SHTN1: variants seen among roughly 807,000 people sequenced by gnomAD.
The protein encoded by SHTN1 is shootin-1.
A neutral mutation model predicts 83.1 loss-of-function variants in SHTN1; 42 were observed. The observed-to-expected ratio is 0.51, with a 90% CI of 0.39 to 0.65. The LOEUF (loss-of-function observed/expected upper bound fraction) is 0.65, where lower values mean the gene tolerates loss of function less well. Ranked by LOEUF, SHTN1 falls within the 30% of genes least tolerant of loss-of-function variation. SHTN1 has a pLI of 0.00. For synonymous variants in SHTN1, 224 were observed against 247.7 expected (o/e 0.90, Z 0.90); for missense variants, 622 against 737.8 (o/e 0.84, Z 1.82).
chr10:116,930,026 G>C (rs372693417), intron 9 of SHTN1, 24 bp from the exon 10 acceptor site: 1 of 1,423,862 alleles, frequency 7.0e-7, no homozygotes, highest in African/African-American at 1.5e-5. Context: ...AAAAAAAAAA[G>C]ACTTTTATGG....
chr10:117,036,502 G>A (rs144606857), intron 2 of SHTN1, among the ~76,000 whole-genome samples: 291 of 152,230 alleles, frequency 1.9e-3, no homozygotes, highest in Non-Finnish European at 3.5e-3. Flanking sequence ...TGATGGAACT[G>A]GAACTCATGT....
intron 12 of SHTN1, among the ~76,000 whole-genome samples, chr10:116,920,961 G>A (rs1395504813): frequency 6.6e-6 from 1 of 152,100 alleles, no homozygotes; most frequent in Non-Finnish European, 1.5e-5. Context: ...CTAGCACTGT[G>A]TACTCCTCTT....
intron 1 of SHTN1, among the ~76,000 whole-genome samples, chr10:117,119,606 G>A (rs1044149878): frequency 6.6e-6 from 1 of 152,166 alleles, no homozygotes; most frequent in Non-Finnish European, 1.5e-5. Flanking sequence ...ATGTAAATTA[G>A]TACAACCATT....
intron 2 of SHTN1, among the ~76,000 whole-genome samples, chr10:116,969,836 GAT>G (rs1369540923): frequency 6.6e-6 from 1 of 151,976 alleles, no homozygotes; most frequent in Non-Finnish European, 1.5e-5. Context: ...ATAAAACAGG[GAT>G]ATATAACAAG....
chr10:117,002,796 C>G (rs1851869096), intron 1 of SHTN1, among the ~76,000 whole-genome samples: 1 of 152,174 alleles, frequency 6.6e-6, no homozygotes. Context: ...ACCTTTGTAA[C>G]TAGACTCACT....
Position 116,984,028 on chromosome 10 carries a change from A to G in SHTN1, c.59-4720T>C, listed in dbSNP as rs1851140007. Among the ~76,000 whole-genome samples the G allele has an allele frequency of 3.3e-5, 5 of 152,312 alleles. No homozygotes were observed. The South Asian group carries it at 6.2e-4, about 19-fold the overall frequency. Reference sequence around the variant, plus strand: ...TAGTTGTTTCAGAAATGTGACAACTAAAGTTCGTAACTACAAGCCAGTAAC... The same window carrying G: ...TAGTTGTTTCAGAAATGTGACAACTGAAGTTCGTAACTACAAGCCAGTAAC... On this transcript the variant is annotated intron_variant, in intron 1 of 16. Coordinates refer to ENST00000355371, the MANE Select transcript of SHTN1 (RefSeq NM_001127211.3).
In SHTN1 at chr10:116,930,015, TAAA is replaced by T; in HGVS notation, c.859-16_859-14del. 1 of 1,380,728 alleles carries T rather than the reference TAAA, an allele frequency of 7.2e-7. No homozygotes were observed. The highest frequency in any genetic ancestry group is 9.7e-7 in the Non-Finnish European group (1 of 1,031,750). 85.5% of individuals were successfully genotyped at this position (1,380,728 alleles called of 1,614,324 possible). ...CTAATTCTTTGACCTATAAGTTATT[TAAA>T]AAAAAAAGACTTTTATGGCTGACAG... On this transcript the variant is annotated splice_polypyrimidine_tract_variant and intron_variant, in intron 9 of 16. Coordinates refer to ENST00000355371, the MANE Select transcript of SHTN1 (RefSeq NM_001127211.3).
intron 2 of SHTN1, among the ~76,000 whole-genome samples, chr10:117,026,059 C>T (rs1852328505): frequency 6.6e-6 from 1 of 152,174 alleles, no homozygotes; most frequent in Non-Finnish European, 1.5e-5. Context: ...GGGACTGTGT[C>T]TTGCACCTTA....
chr10:116,881,641 C>T lies in SHTN1; in HGVS notation c.*4703G>A, dbSNP rs1334984119. ...TTCCCCACACAAGGTGTAGAGGAAT[C>T]AGCCGAAACAGGAGCATCCTCTGGA... On this transcript the variant is annotated 3_prime_UTR_variant, in exon 17 of 17. Coordinates refer to ENST00000355371, the MANE Select transcript of SHTN1 (RefSeq NM_001127211.3). 1.3e-6 allele frequency: 2 copies of T among 1,547,424 alleles called. No homozygotes were observed. The highest frequency in any genetic ancestry group is 1.7e-6 in the Non-Finnish European group (2 of 1,145,596).
chr10:116,951,224 G>GT (rs1361987770), intron 6 of SHTN1, among the ~76,000 whole-genome samples: 1 of 152,118 alleles, frequency 6.6e-6, no homozygotes, highest in Non-Finnish European at 1.5e-5. Context: ...GGAGTTCAAG[G>GT]TAAGCCTGGG....
chr10:116,934,383 T>C (rs994630634), intron 9 of SHTN1, among the ~76,000 whole-genome samples: 4 of 152,234 alleles, frequency 2.6e-5, no homozygotes, highest in African/African-American at 9.6e-5. Context: ...GTTTTCTGCA[T>C]ATGGCTAGCC....
intron 1 of SHTN1, among the ~76,000 whole-genome samples, chr10:117,113,076 G>T (rs889141350): frequency 6.6e-6 from 1 of 152,160 alleles, no homozygotes; most frequent in Non-Finnish European, 1.5e-5. Flanking sequence ...TCACGATTAG[G>T]TCTGAAACTG....
intron 1 of SHTN1, among the ~76,000 whole-genome samples, chr10:117,092,655 A>G (rs1326383957): frequency 6.6e-6 from 1 of 152,216 alleles, no homozygotes; most frequent in Admixed American, 6.5e-5. Flanking sequence ...TCACTGAGAG[A>G]AAAGCTGCAT....
At chr10:117,006,874 GTCTT>G (rs1022230610), upstream of SHTN1, among the ~76,000 whole-genome samples, 2 of 151,464 alleles carry the variant, frequency 1.3e-5, no homozygotes, top group African/African-American at 4.9e-5. Context: ...TGTAACTAGT[GTCTT>G]TCTGATACTC....
chr10:116,977,058 G>C (rs1850832135), intron 2 of SHTN1, among the ~76,000 whole-genome samples: 1 of 152,090 alleles, frequency 6.6e-6, no homozygotes. Flanking sequence ...AATTCCACTT[G>C]CATAACGGAT....
chr10:116,913,547 T>C (rs1053310016), intron 13 of SHTN1, among the ~76,000 whole-genome samples: 2 of 152,248 alleles, frequency 1.3e-5, no homozygotes, highest in Non-Finnish European at 2.9e-5. Context: ...CGAAAGTACG[T>C]ATGGAACATT....
rs371350473 is a variant in SHTN1, at chr10:116,960,159, T to C, written c.244A>G (p.Ser82Gly). Residue 82 changes from serine to glycine, a missense_variant, in exon 4 of 17, where the codon AGT (serine) becomes GGT (glycine). Coordinates refer to ENST00000355371, the MANE Select transcript of SHTN1 (RefSeq NM_001127211.3). ...ACCTTTGTTGCCAAAGCTTCAGCACTTTCTCGACAAGTCTTCTCTATTTCA... is the reference window on the plus strand; with the variant it reads ...ACCTTTGTTGCCAAAGCTTCAGCACCTTCTCGACAAGTCTTCTCTATTTCA... Reference protein sequence around the residue: ...HLEIEKTCRESAEALATKLNK... With the variant: ...HLEIEKTCREGAEALATKLNK... The C allele has an allele frequency of 1.2e-6, 2 of 1,609,384 alleles. No homozygotes were observed. The highest frequency in any genetic ancestry group is 2.7e-5 in the African/African-American group (2 of 74,856).
At chr10:117,076,494 A>G (rs1284286518) in intron 1 of SHTN1, among the ~76,000 whole-genome samples, 1 of 151,992 alleles carries the variant, frequency 6.6e-6, no homozygotes, top group Non-Finnish European at 1.5e-5. Context: ...ATATCAACAC[A>G]TGTTTATATT....
chr10:117,094,417 C>T (rs1007074263), intron 1 of SHTN1, among the ~76,000 whole-genome samples: 1 of 152,174 alleles, frequency 6.6e-6, no homozygotes, highest in Non-Finnish European at 1.5e-5. Context: ...CCAGTTTTCC[C>T]CTCCTCAGGA....
Sources: gnomAD v4.1 joint callset for allele counts (sites outside exome capture counted in the v4.1 genomes callset) on GRCh38, gnomAD v4.1.1 for gene constraint, MANE v1.5 for transcripts, NCBI Gene and HGNC (gene_info 2026-07-23, HGNC 2026-07-21) for gene names.